Variants in KCNJ6 observed in about 807,000 individuals in gnomAD.
The protein encoded by KCNJ6 is potassium inwardly rectifying channel subfamily J member 6.
Under a neutral mutation model 34.2 loss-of-function variants are expected in KCNJ6, and 9 were observed. The ratio of observed to expected loss-of-function variants is 0.26; its 90% confidence interval spans 0.16 to 0.46. KCNJ6 has a LOEUF of 0.46. Ranked by LOEUF, KCNJ6 falls within the 20% of genes least tolerant of loss-of-function variation. KCNJ6 has a pLI of 1.00. For missense variants in KCNJ6, 236 were observed against 531.3 expected (o/e 0.44, Z 5.46); for synonymous variants, 196 against 207.1 (o/e 0.95, Z 0.46).
intron 1 of KCNJ6, among the ~76,000 whole-genome samples, chr21:37,853,861 T>TATATACATATATATATATAA (rs940498600): frequency 1.4e-5 from 2 of 146,732 alleles, no homozygotes; most frequent in African/African-American, 5.0e-5. Context: ...TATATATATA[T>TATATACATATATATATATAA]AAATTACATT....
At chr21:37,721,200 A>G (rs565694947) in intron 2 of KCNJ6, among the ~76,000 whole-genome samples, 1 of 152,354 alleles carries the variant, frequency 6.6e-6, no homozygotes, top group Non-Finnish European at 1.5e-5. Context: ...AGTCATTAGA[A>G]AAATGCAAAT....
chr21:37,634,350 C>T (rs1362752588), intron 3 of KCNJ6, among the ~76,000 whole-genome samples: 1 of 152,160 alleles, frequency 6.6e-6, no homozygotes, highest in Non-Finnish European at 1.5e-5. Context: ...CACCTGCTCC[C>T]TTTTCCCCTT....
chr21:37,900,965 CCCT>C (rs1225823530), intron 1 of KCNJ6, among the ~76,000 whole-genome samples: 4 of 152,040 alleles, frequency 2.6e-5, no homozygotes, highest in South Asian at 2.1e-4. Flanking sequence ...ACATAGTAAA[CCCT>C]CCTATTTACA....
At chr21:37,887,077 C>T (rs982261801) in intron 1 of KCNJ6, among the ~76,000 whole-genome samples, 6 of 152,084 alleles carry the variant, frequency 3.9e-5, no homozygotes, top group Non-Finnish European at 7.4e-5. Flanking sequence ...GGCTTCTGAG[C>T]CTGCTTGGGA....
chr21:37,871,218 G>T (rs1186546366), intron 1 of KCNJ6, among the ~76,000 whole-genome samples: 1 of 152,050 alleles, frequency 6.6e-6, no homozygotes, highest in Non-Finnish European at 1.5e-5. Context: ...CCTGTACCGT[G>T]GGGGGAGCCA....
In KCNJ6 at chr21:37,666,669, C is replaced by T. The variant is rs183948528; in HGVS notation, c.947-41185G>A. Among the ~76,000 whole-genome samples the T allele has an allele frequency of 4.3e-3, 646 of 151,914 alleles. 4 individuals are homozygous for T. Among genetic ancestry groups the T allele is most frequent in the Non-Finnish European group, 6.5e-3 (443 of 67,982 alleles). ...ACAGCTCTGAAGAGACAGTGACCAT[C>T]GAGAACGGGCCATGATGACGATGGC... On this transcript the variant is annotated intron_variant, in intron 3 of 3. Transcript: ENST00000609713.
chr21:37,752,635 C>A (rs1274684787), intron 2 of KCNJ6, among the ~76,000 whole-genome samples: 2 of 152,132 alleles, frequency 1.3e-5, no homozygotes, highest in African/African-American at 2.4e-5. Flanking sequence ...TGTGACCGTG[C>A]TCATAAATCC....
intron 3 of KCNJ6, among the ~76,000 whole-genome samples, chr21:37,688,573 G>A (rs1351972653): frequency 6.6e-6 from 1 of 152,182 alleles, no homozygotes; most frequent in Non-Finnish European, 1.5e-5. Context: ...CTGGACACAA[G>A]TCCAGGGCTT....
At chr21:37,680,636 G>T (rs1345447280) in intron 3 of KCNJ6, among the ~76,000 whole-genome samples, 1 of 152,134 alleles carries the variant, frequency 6.6e-6, no homozygotes, top group African/African-American at 2.4e-5. Flanking sequence ...AAGAGAATCT[G>T]CTCCCTTTGC....
intron 1 of KCNJ6, among the ~76,000 whole-genome samples, chr21:37,855,703 T>C (rs897277367): frequency 1.3e-5 from 2 of 152,230 alleles, no homozygotes; most frequent in Non-Finnish European, 2.9e-5. Context: ...ATCATGTCCT[T>C]TGTTTATATC....
At chr21:37,766,347 G>T (rs1266305628) in intron 2 of KCNJ6, among the ~76,000 whole-genome samples, 1 of 152,218 alleles carries the variant, frequency 6.6e-6, no homozygotes, top group East Asian at 1.9e-4. Context: ...TTTGGAGACA[G>T]GTGGGTTGTC....
At chr21:37,836,080 G>A (rs1264092954) in intron 2 of KCNJ6, among the ~76,000 whole-genome samples, 1 of 152,148 alleles carries the variant, frequency 6.6e-6, no homozygotes, top group African/African-American at 2.4e-5. Context: ...GTGGGTGAAG[G>A]ATATGAACAG....
chr21:37,675,723 G>C lies in KCNJ6; in HGVS notation c.946+38488C>G, dbSNP rs2054561797. Among the ~76,000 whole-genome samples the C allele has an allele frequency of 6.6e-6, 1 of 152,236 alleles. No individual in the cohort carries two copies. Among genetic ancestry groups the C allele is most frequent in the African/African-American group, 2.4e-5 (1 of 41,464 alleles). On this transcript the variant is annotated intron_variant, in intron 3 of 3. Transcript: ENST00000609713. This position sits in a 1 kb window ranked among gnomAD's most constrained non-coding sequence, Gnocchi z 4.2. ...GAAGCAATTTCAAACCAGCAAGCAG[G>C]CTCTTATAGACTCTTACACCAAAAG...
chr21:37,879,732 T>C (rs1050045606), intron 1 of KCNJ6, among the ~76,000 whole-genome samples: 10 of 150,778 alleles, frequency 6.6e-5, no homozygotes, highest in African/African-American at 2.4e-4. Context: ...TGTGTGTGTG[T>C]GTGTGTGTGT....
At chr21:37,829,075 C>T (rs2055412775) in intron 2 of KCNJ6, among the ~76,000 whole-genome samples, 2 of 152,150 alleles carry the variant, frequency 1.3e-5, no homozygotes, top group African/African-American at 4.8e-5. Flanking sequence ...TTGCCCTCTG[C>T]CTTGCCTGGG....
chr21:37,753,684 T>A (rs1206748669), intron 2 of KCNJ6, among the ~76,000 whole-genome samples: 1 of 152,216 alleles, frequency 6.6e-6, no homozygotes, highest in Non-Finnish European at 1.5e-5. Flanking sequence ...TCTCTTTTTC[T>A]TTTCATATTT....
chr21:37,839,415 C>G (rs1007930818), intron 2 of KCNJ6, among the ~76,000 whole-genome samples: 1 of 152,010 alleles, frequency 6.6e-6, no homozygotes, highest in Non-Finnish European at 1.5e-5. Context: ...GAAAGGAAAT[C>G]AATGTAAATA....
At chr21:37,739,913 G>GA (rs56660401) in intron 2 of KCNJ6, among the ~76,000 whole-genome samples, 11,951 of 147,608 alleles carry the variant, frequency 0.081, 506 homozygotes, top group Middle Eastern at 0.13. Flanking sequence ...CTTTAGGTTT[G>GA]AAAAAAAAAA....
chr21:37,819,935 T>G (rs377221138), intron 2 of KCNJ6, among the ~76,000 whole-genome samples: 3 of 144,812 alleles, frequency 2.1e-5, no homozygotes, highest in African/African-American at 8.0e-5. Flanking sequence ...CAGGCGCTCA[T>G]CACCACACCT....
Sources: allele counts gnomAD v4.1 joint callset (sites outside exome capture counted in the v4.1 genomes callset), GRCh38; gene constraint gnomAD v4.1.1; non-coding constraint Gnocchi (gnomAD v3.1); transcripts MANE v1.5; gene names NCBI Gene and HGNC (gene_info 2026-07-23, HGNC 2026-07-21).